Variants in MBIP observed in about 807,000 individuals in gnomAD.
MBIP encodes MAP3K12-binding inhibitory protein 1.
A neutral mutation model predicts 45.7 loss-of-function variants in MBIP; 32 were observed. That is an observed-to-expected ratio of 0.70 (90% confidence interval 0.53 to 0.94). MBIP has a LOEUF of 0.94. MBIP is among the 40% of genes least tolerant of loss of function. The pLI is 0.00. For synonymous variants in MBIP, 145 were observed against 141.0 expected, an observed-to-expected ratio of 1.03 and a Z score of -0.20; for missense variants, 381 against 405.5, an observed-to-expected ratio of 0.94 and a Z score of 0.52.
Position 36,298,959 on chromosome 14 carries a change from T to G in MBIP, c.*124A>C. On this transcript the variant is annotated 3_prime_UTR_variant, in exon 9 of 9. Transcript: ENST00000416007. Reference sequence around the variant, plus strand: ...TTACTTGCTGCAAGCTGGACTCATGTGAAAATAAACCTTGACTTCACAGAG... The same window carrying G: ...TTACTTGCTGCAAGCTGGACTCATGGGAAAATAAACCTTGACTTCACAGAG... The G allele has an allele frequency of 1.6e-6, 1 of 626,914 alleles. No individual in the cohort carries two copies. The highest frequency in any genetic ancestry group is 2.7e-6 in the Non-Finnish European group (1 of 366,048). 38.8% of individuals were successfully genotyped at this position (626,914 alleles called of 1,614,324 possible).
intron 7 of MBIP, among the ~76,000 whole-genome samples, chr14:36,303,885 G>C (rs2139201915): frequency 6.6e-6 from 1 of 152,178 alleles, no homozygotes; most frequent in East Asian, 1.9e-4. Context: ...TCTCTGGCTT[G>C]GATAATGACA....
chr14:36,299,125 T>G lies in MBIP; in HGVS notation c.993A>C (p.Lys331Asn). 6.2e-7 allele frequency: 1 copy of G among 1,613,892 alleles called. No homozygotes were observed. Among genetic ancestry groups the G allele is most frequent in the Non-Finnish European group, 8.5e-7 (1 of 1,179,848 alleles). Residue 331 changes from lysine to asparagine, a missense_variant, in exon 9 of 9, where the codon AAA (lysine) becomes AAC (asparagine). Coordinates refer to ENST00000416007, the MANE Select transcript of MBIP (RefSeq NM_016586.3). The part of the protein sequence containing the change: ...ISALKQALLR[K>N]SREAESMATH... Reference sequence around the variant, plus strand: ...TTGCCATGGATTCTGCTTCTCTTGATTTTCTGAGGAGGGCTTGTTTGAGGG... The same window carrying G: ...TTGCCATGGATTCTGCTTCTCTTGAGTTTCTGAGGAGGGCTTGTTTGAGGG...
At chr14:36,314,487 T>A (rs775915568) in intron 4 of MBIP, 25 bp downstream of exon 4, 1 of 1,485,010 alleles carries the variant, frequency 6.7e-7, no homozygotes, top group South Asian at 1.2e-5. Context: ...TAAAACCCTA[T>A]GAAAATTAAT....
intron 7 of MBIP, among the ~76,000 whole-genome samples, chr14:36,304,333 T>A (rs570898094): frequency 2.6e-4 from 39 of 152,342 alleles, no homozygotes; most frequent in African/African-American, 8.7e-4. Context: ...ATCTACTCGA[T>A]ATTGACTACA....
chr14:36,304,628 T>C (rs1879766170), intron 7 of MBIP, among the ~76,000 whole-genome samples: 1 of 152,210 alleles, frequency 6.6e-6, no homozygotes, highest in Non-Finnish European at 1.5e-5. Flanking sequence ...AGAATAAAGA[T>C]CTTTAGAACT....
Position 36,320,604 on chromosome 14 carries a change from C to T in MBIP, c.-16G>A, listed in dbSNP as rs1480412760. 11 of 1,588,816 alleles carry T rather than the reference C, an allele frequency of 6.9e-6. No homozygotes were observed. Among genetic ancestry groups the T allele is most frequent in the East Asian group, 4.6e-5 (2 of 43,810 alleles). The stretch of plus-strand genomic sequence containing the variant: ...CAGCAGCCATGATATCTTCTCAGGC[C>T]GCCCCACCACCACCACCACCAAGAT... On this transcript the variant is annotated 5_prime_UTR_variant, in exon 1 of 9. Transcript: ENST00000416007.
chr14:36,314,368 T>G, intron 4 of MBIP, 144 bp downstream of exon 4: 1 of 575,496 alleles, frequency 1.7e-6, no homozygotes, highest in Non-Finnish European at 3.0e-6. Flanking sequence ...AGAAGGAAAC[T>G]CTACTGTCTT....
At chr14:36,314,670 C>T (rs1880450878) in intron 3 of MBIP, 21 bp downstream of exon 3, 1 of 1,609,166 alleles carries the variant, frequency 6.2e-7, no homozygotes, top group African/African-American at 1.3e-5. Context: ...CCCTCTCGCC[C>T]CCGCCAAAAA....
intron 7 of MBIP, among the ~76,000 whole-genome samples, chr14:36,306,191 C>A (rs1459673528): frequency 6.6e-6 from 1 of 151,640 alleles, no homozygotes; most frequent in Admixed American, 6.6e-5. Flanking sequence ...TGTAACAGAT[C>A]AAAACAAAAC....
intron 5 of MBIP, 27 bp downstream of exon 5, chr14:36,311,932 C>T: frequency 1.3e-6 from 2 of 1,517,482 alleles, no homozygotes; most frequent in Non-Finnish European, 9.0e-7. Context: ...CTGTCAGTGA[C>T]TCAGATGTCA....
chr14:36,302,895 A>G (rs1879655328), intron 7 of MBIP, among the ~76,000 whole-genome samples: 2 of 152,190 alleles, frequency 1.3e-5, no homozygotes, highest in South Asian at 4.1e-4. Flanking sequence ...TGTACTTCAA[A>G]TGCTGAATTT....
At position 36,308,000 on chromosome 14, in the gene MBIP, T is replaced by C. The variant is rs577683360; in HGVS notation, c.888+92A>G. On this transcript the variant is annotated intron_variant, in intron 7 of 8. Coordinates refer to ENST00000416007, the MANE Select transcript of MBIP (RefSeq NM_016586.3). The stretch of plus-strand genomic sequence containing the variant: ...CATCTTTGAATTATTAAAATAGTGT[T>C]TTGCTTATAGATCAATGAGTGACTG... 50 of 668,864 alleles carry C rather than the reference T, an allele frequency of 7.5e-5. No individual in the cohort carries two copies. In the East Asian group the frequency reaches 1.3e-3, roughly 18 times the overall value. The allele number at this position is 668,864 out of a possible 1,614,324, so 41.4% of individuals were successfully genotyped here. A position where few individuals can be genotyped will look rare whatever the true frequency, so the allele number is the denominator to read the frequency against.
chr14:36,300,786 T>A lies in MBIP; in HGVS notation c.926A>T (p.Gln309Leu), dbSNP rs1228187948. 6 of 1,555,470 alleles carry A rather than the reference T, an allele frequency of 3.9e-6. No homozygotes were observed. The Admixed American group carries it at 9.5e-5, about 25-fold the overall frequency. Residue 309 changes from glutamine (Q) to leucine (L), a missense_variant and splice_region_variant, in exon 8 of 9, where the codon CAA becomes CTA. By Grantham distance (113) the Gln-to-Leu change is moderately radical. Coordinates refer to ENST00000416007, the MANE Select transcript of MBIP (RefSeq NM_016586.3). The part of the protein sequence containing the change: ...SGKRRKVQPP[Q>L]QNYSLAELDE... ...CAAAATGAAAATGCAGTAACTTACT[T>A]GAGGTGGTTGAACTTTTCTTCTTTT... is the stretch of plus-strand genomic sequence containing the variant.
At chr14:36,316,390 C>T (rs913015260) in intron 2 of MBIP, among the ~76,000 whole-genome samples, 2 of 152,070 alleles carry the variant, frequency 1.3e-5, no homozygotes, top group African/African-American at 4.8e-5. Flanking sequence ...ACACACCTGC[C>T]GTGTCTTATT....
At chr14:36,313,567 T>G (rs970301094) in intron 4 of MBIP, 3 of 152,042 alleles carry the variant, frequency 2.0e-5, no homozygotes, top group African/African-American at 7.2e-5. Context: ...GATTTTGCCA[T>G]TGTTGCACCT....
At chr14:36,308,257 A>T in intron 6 of MBIP, 68 bp from the exon 7 acceptor site, 1 of 789,888 alleles carries the variant, frequency 1.3e-6, no homozygotes, top group South Asian at 1.7e-5. Context: ...TTTTATTCTT[A>T]AAATACCATG....
intron 6 of MBIP, among the ~76,000 whole-genome samples, 195 bp from the exon 7 acceptor site, chr14:36,308,384 ACACTTCCTCTCTCCAAACCC>A (rs1566550595): frequency 6.6e-6 from 1 of 152,210 alleles, no homozygotes; most frequent in Non-Finnish European, 1.5e-5. Context: ...ATATTGTACT[ACACTTCCTCTCTCCAAACCC>A]CATTTATGCT....
chr14:36,312,984 T>C (rs1406757193), intron 4 of MBIP, among the ~76,000 whole-genome samples: 1 of 152,118 alleles, frequency 6.6e-6, no homozygotes, highest in African/African-American at 2.4e-5. Context: ...AGGTTAAATT[T>C]GTAGGTATTA....
chr14:36,311,881 G>T, intron 5 of MBIP, 78 bp downstream of exon 5: 1 of 1,269,378 alleles, frequency 7.9e-7, no homozygotes, highest in Non-Finnish European at 1.1e-6. Flanking sequence ...AATTTAGATG[G>T]GAAAGTTATT....
Sources: gnomAD v4.1 joint callset for allele counts (sites outside exome capture counted in the v4.1 genomes callset) on GRCh38, gnomAD v4.1.1 for gene constraint, MANE v1.5 for transcripts, NCBI Gene and HGNC (gene_info 2026-07-23, HGNC 2026-07-21) for gene names.